The following LINGO2 variants were observed in gnomAD, a reference collection of about 807,000 sequenced individuals.
LINGO2 encodes leucine-rich repeat and immunoglobulin-like domain-containing nogo receptor-interacting protein 2.
In LINGO2, 14 loss-of-function variants were observed where a neutral mutation model predicts 30.6. The ratio of observed to expected loss-of-function variants is 0.46; its 90% CI spans 0.30 to 0.72. LINGO2 has a LOEUF of 0.72. Ranked by LOEUF, LINGO2 falls within the 30% of genes least tolerant of loss-of-function variation. The pLI is 0.07. For synonymous variants in LINGO2, 317 were observed against 288.5 expected, an observed-to-expected ratio of 1.10 and a Z score of -1.00; for missense variants, 729 against 751.7, an observed-to-expected ratio of 0.97 and a Z score of 0.35.
chr9:27,972,838 AAG>A (rs1405737051), intron 5 of LINGO2, among the ~76,000 whole-genome samples: 1 of 152,190 alleles, frequency 6.6e-6, no homozygotes, highest in Non-Finnish European at 1.5e-5. Flanking sequence ...TTAAACATCT[AAG>A]AGATGCCAGG....
chr9:28,941,936 G>T, the LINGO2 span, among the ~76,000 whole-genome samples: 3 of 152,098 alleles, frequency 2.0e-5, no homozygotes, highest in Admixed American at 1.3e-4. Flanking sequence ...ACACCTGAAA[G>T]AAATAAGGTA....
chr9:28,556,026 G>A (rs887789083), intron 1 of LINGO2, among the ~76,000 whole-genome samples: 5 of 151,836 alleles, frequency 3.3e-5, no homozygotes, highest in Non-Finnish European at 7.4e-5. Flanking sequence ...ATGACAAACC[G>A]ACAGCCAATA....
At chr9:28,416,459 CTA>C (rs1822971694) in intron 2 of LINGO2, among the ~76,000 whole-genome samples, 1 of 152,112 alleles carries the variant, frequency 6.6e-6, no homozygotes, top group Non-Finnish European at 1.5e-5. Flanking sequence ...CATCACCTCA[CTA>C]TCACTTAAAA....
intron 3 of LINGO2, among the ~76,000 whole-genome samples, chr9:28,351,266 G>GA (rs879848858): frequency 0.025 from 3,513 of 143,152 alleles, 50 homozygotes; most frequent in Middle Eastern, 0.046. Flanking sequence ...GACTAATAAA[G>GA]AAAAAAAGAG....
chr9:28,906,864 C>G, the LINGO2 span, among the ~76,000 whole-genome samples: 1 of 151,682 alleles, frequency 6.6e-6, no homozygotes, highest in Non-Finnish European at 1.5e-5. Flanking sequence ...AATCAAAAAG[C>G]TTTCATTTTC....
chr9:28,405,333 CAA>C (rs1822457177), intron 2 of LINGO2, among the ~76,000 whole-genome samples: 1 of 152,086 alleles, frequency 6.6e-6, no homozygotes, highest in African/African-American at 2.4e-5. Flanking sequence ...TTGGGTCCTT[CAA>C]AGAGAGTGCT....
the LINGO2 span, among the ~76,000 whole-genome samples, chr9:29,109,025 T>G: frequency 1.3e-5 from 2 of 152,220 alleles, no homozygotes; most frequent in African/African-American, 4.8e-5. Context: ...CAATTTTCTA[T>G]TTCAATCTCA....
chr9:28,401,846 T>C (rs1480931717), intron 2 of LINGO2, among the ~76,000 whole-genome samples: 1 of 152,202 alleles, frequency 6.6e-6, no homozygotes, highest in Non-Finnish European at 1.5e-5. Flanking sequence ...CATGAGATGG[T>C]ATCTCACTGT....
chr9:28,514,061 A>G (rs569160183), intron 1 of LINGO2, among the ~76,000 whole-genome samples: 1 of 152,178 alleles, frequency 6.6e-6, no homozygotes, highest in Non-Finnish European at 1.5e-5. Context: ...CTGATCCACG[A>G]TCTTTGACGT....
intron 5 of LINGO2, among the ~76,000 whole-genome samples, chr9:27,996,938 T>C (rs901218500): frequency 7.2e-5 from 11 of 152,236 alleles, no homozygotes; most frequent in Admixed American, 6.5e-4. Context: ...TAAATGCTTT[T>C]AAAAATTTGT....
chr9:28,583,873 T>C (rs1824392245), intron 1 of LINGO2, among the ~76,000 whole-genome samples: 1 of 152,058 alleles, frequency 6.6e-6, no homozygotes, highest in South Asian at 2.1e-4. Context: ...TAAAAGGTTA[T>C]TAGGTCATGA....
chr9:28,696,421 C>A, the LINGO2 span, among the ~76,000 whole-genome samples: 1 of 151,468 alleles, frequency 6.6e-6, no homozygotes, highest in Non-Finnish European at 1.5e-5. Flanking sequence ...TGTGGAAGGG[C>A]CTCTTAACAT....
chr9:28,199,046 T>G (rs1820120036), intron 4 of LINGO2, among the ~76,000 whole-genome samples: 1 of 152,188 alleles, frequency 6.6e-6, no homozygotes, highest in Non-Finnish European at 1.5e-5. Flanking sequence ...TCCATGTACA[T>G]CTTGAAAAAG....
At chr9:28,742,154 T>G in the LINGO2 span, among the ~76,000 whole-genome samples, 2 of 151,998 alleles carry the variant, frequency 1.3e-5, no homozygotes, top group East Asian at 3.9e-4. Flanking sequence ...AGGCAAAATC[T>G]AATGCTCACT....
In LINGO2 at chr9:28,558,727, C is replaced by CAGAA. The variant is rs558973838; in HGVS notation, c.-364-82706_-364-82703dup. ...TTAACTTTCTGCACTGTCATTTTAG[C>CAGAA]AGAAAGAAAGAAAGAAAAAAGCTGA... On this transcript the variant is annotated intron_variant, in intron 1 of 5. Coordinates refer to ENST00000379992, the Ensembl canonical transcript of LINGO2. 1.1e-3 allele frequency among the ~76,000 whole-genome samples: 161 copies of CAGAA among 151,934 alleles called. 1 individual carries two copies. Among genetic ancestry groups the CAGAA allele is most frequent in the South Asian group, 2.3e-3 (11 of 4,818 alleles).
At chr9:28,093,213 C>A (rs1454475636) in intron 4 of LINGO2, among the ~76,000 whole-genome samples, 1 of 151,992 alleles carries the variant, frequency 6.6e-6, no homozygotes, top group African/African-American at 2.4e-5. Context: ...ATGTAAGAAG[C>A]AATTTATACA....
At chr9:28,710,127 A>G in the LINGO2 span, among the ~76,000 whole-genome samples, 1 of 151,634 alleles carries the variant, frequency 6.6e-6, no homozygotes, top group African/African-American at 2.4e-5. Context: ...AGGTGGGGCC[A>G]TTGGGAGCTG....
the LINGO2 span, among the ~76,000 whole-genome samples, chr9:28,908,478 T>C: frequency 6.6e-6 from 1 of 151,874 alleles, no homozygotes; most frequent in Non-Finnish European, 1.5e-5. Flanking sequence ...TGGCTGACTA[T>C]CCTCTCTCAC....
chr9:28,279,752 C>T (rs1197266271), intron 4 of LINGO2, among the ~76,000 whole-genome samples: 1 of 152,032 alleles, frequency 6.6e-6, no homozygotes, highest in Non-Finnish European at 1.5e-5. Context: ...GTATTGTATT[C>T]TCCCAGGAGG....
Sources: gnomAD v4.1 joint callset for allele counts (sites outside exome capture counted in the v4.1 genomes callset) on GRCh38, gnomAD v4.1.1 for gene constraint, MANE v1.5 for transcripts, NCBI Gene and HGNC (gene_info 2026-07-23, HGNC 2026-07-21) for gene names.